Variants in SLC41A3 observed in about 807,000 individuals in gnomAD.
The protein encoded by SLC41A3 is SLC41A1-like 2.
A neutral mutation model predicts 45.4 loss-of-function variants in SLC41A3; 44 were observed. The observed-to-expected ratio is 0.97, with a 90% confidence interval of 0.76 to 1.25. The LOEUF is 1.25. Ranked by LOEUF, SLC41A3 falls within the 50% of genes most tolerant of loss-of-function variation. The pLI is 0.00. For synonymous variants in SLC41A3, 256 were observed against 252.4 expected, an observed-to-expected ratio of 1.01 and a Z score of -0.13; for missense variants, 550 against 600.6, an observed-to-expected ratio of 0.92 and a Z score of 0.88.
Position 126,033,240 on chromosome 3 carries a change from C to A in SLC41A3, c.453+367G>T, listed in dbSNP as rs1422988971. Among the ~76,000 whole-genome samples, 2 of 152,216 alleles carry A rather than the reference C, an allele frequency of 1.3e-5. 1 individual carries two copies. Among genetic ancestry groups the A allele is most frequent in the African/African-American group, 4.8e-5 (2 of 41,444 alleles). The stretch of plus-strand genomic sequence containing the variant: ...TAAGATCACATGTAAGAGGCAATTA[C>A]AGGTTGCCTCAGTTAGGGGAACACC... On this transcript the variant is annotated intron_variant, in intron 4 of 10. Coordinates refer to ENST00000360370, the MANE Select transcript of SLC41A3 (RefSeq NM_017836.4).
intron 9 of SLC41A3, among the ~76,000 whole-genome samples, chr3:126,011,230 A>G (rs1939674946): frequency 6.6e-6 from 1 of 152,206 alleles, no homozygotes. Context: ...AGTCTCAGAA[A>G]AGAAAAAGAA....
chr3:126,038,100 G>A (rs1382770895), intron 3 of SLC41A3, among the ~76,000 whole-genome samples: 1 of 152,242 alleles, frequency 6.6e-6, no homozygotes. Flanking sequence ...AGTGAAGGAG[G>A]TTTGGCTGCT....
upstream of SLC41A3, among the ~76,000 whole-genome samples, chr3:126,086,405 C>CTTTT (rs150800135): frequency 4.4e-5 from 1 of 22,760 alleles, no homozygotes; most frequent in Non-Finnish European, 1.1e-4. Context: ...TCTTTGTTTT[C>CTTTT]TTGTTTTTTT....
chr3:126,083,110 C>T (rs536208646), intron 1 of SLC41A3, among the ~76,000 whole-genome samples: 14 of 152,320 alleles, frequency 9.2e-5, no homozygotes, highest in Non-Finnish European at 1.9e-4. Flanking sequence ...CATCACAGGG[C>T]ACCTGGCCCA....
At chr3:126,101,100 C>T (rs920079723) in intron 1 of SLC41A3, among the ~76,000 whole-genome samples, 16 of 152,242 alleles carry the variant, frequency 1.1e-4, no homozygotes, top group East Asian at 1.9e-4. Context: ...CTCCTTCCCC[C>T]GGGTCCAAGT....
At chr3:126,022,514 G>A (rs1486497494) in intron 6 of SLC41A3, among the ~76,000 whole-genome samples, 1 of 152,210 alleles carries the variant, frequency 6.6e-6, no homozygotes, top group Non-Finnish European at 1.5e-5. Context: ...GTGCAGCTCA[G>A]GTCTCACCTC....
chr3:126,081,506 T>C (rs1437360751), intron 1 of SLC41A3, among the ~76,000 whole-genome samples: 2 of 152,244 alleles, frequency 1.3e-5, no homozygotes, highest in Non-Finnish European at 2.9e-5. Flanking sequence ...CAAATGTTTC[T>C]GGAATAAAAG....
intron 2 of SLC41A3, among the ~76,000 whole-genome samples, chr3:126,053,423 T>C (rs1168979998): frequency 6.6e-6 from 1 of 152,210 alleles, no homozygotes. Flanking sequence ...ACCTCCTCTG[T>C]GGTATTTTGT....
intron 10 of SLC41A3, among the ~76,000 whole-genome samples, chr3:126,007,662 AT>A (rs775148987): frequency 6.6e-6 from 1 of 152,142 alleles, no homozygotes; most frequent in Non-Finnish European, 1.5e-5. Context: ...TGGCTCCTCA[AT>A]CCCTTGTCCA....
intron 9 of SLC41A3, among the ~76,000 whole-genome samples, chr3:126,010,947 C>G (rs1939642819): frequency 6.6e-6 from 1 of 152,212 alleles, no homozygotes; most frequent in Non-Finnish European, 1.5e-5. Context: ...TCAAAGGAAG[C>G]CAGCTAAGTA....
chr3:126,093,492 C>T (rs575524057), intron 1 of SLC41A3, among the ~76,000 whole-genome samples: 1 of 152,312 alleles, frequency 6.6e-6, no homozygotes, highest in South Asian at 2.1e-4. Flanking sequence ...TTATGCTGTA[C>T]AAAAGCTGTG....
At chr3:126,048,755 G>A (rs1943128698) in intron 3 of SLC41A3, among the ~76,000 whole-genome samples, 1 of 152,162 alleles carries the variant, frequency 6.6e-6, no homozygotes, top group Non-Finnish European at 1.5e-5. Context: ...GTATGGAGTA[G>A]GGGAGTGGGC....
intron 2 of SLC41A3, among the ~76,000 whole-genome samples, chr3:126,059,440 T>A (rs771365882): frequency 5.3e-5 from 8 of 151,914 alleles, no homozygotes; most frequent in Non-Finnish European, 1.2e-4. Context: ...GTCACTGCAA[T>A]TGGATGAAGG....
chr3:126,056,355 C>T (rs1346617932), intron 2 of SLC41A3: 1 of 1,613,682 alleles, frequency 6.2e-7, no homozygotes, highest in Admixed American at 1.7e-5. Flanking sequence ...ACCCAGTACG[C>T]ACTTGAATGG....
chr3:126,082,624 T>A (rs1169678708), intron 1 of SLC41A3, among the ~76,000 whole-genome samples: 1 of 152,086 alleles, frequency 6.6e-6, no homozygotes, highest in Admixed American at 6.6e-5. Context: ...TCCGCCCCCA[T>A]CAGACTGAGG....
chr3:126,096,666 C>T (rs759127754), intron 1 of SLC41A3, among the ~76,000 whole-genome samples: 2 of 152,258 alleles, frequency 1.3e-5, no homozygotes, highest in African/African-American at 2.4e-5. Flanking sequence ...CCCATCCCTT[C>T]GTTTCCCATA....
intron 3 of SLC41A3, among the ~76,000 whole-genome samples, chr3:126,038,969 G>A (rs1289412345): frequency 1.3e-5 from 2 of 151,992 alleles, no homozygotes; most frequent in African/African-American, 4.8e-5. Context: ...GAGTTCACAT[G>A]GGAGCTGATT....
At chr3:126,023,010 G>A in intron 5 of SLC41A3, 78 bp from the exon 6 acceptor site, 1 of 1,575,616 alleles carries the variant, frequency 6.3e-7, no homozygotes, top group South Asian at 1.2e-5. Flanking sequence ...AGCAGCACAG[G>A]GATGGGCGGC....
At chr3:126,077,356 G>A (rs1176484460) in intron 1 of SLC41A3, among the ~76,000 whole-genome samples, 1 of 152,150 alleles carries the variant, frequency 6.6e-6, no homozygotes, top group Non-Finnish European at 1.5e-5. Context: ...CTCCAGCCTA[G>A]GGGACAGAGT....
Sources: gnomAD v4.1 joint callset for allele counts (sites outside exome capture counted in the v4.1 genomes callset) on GRCh38, gnomAD v4.1.1 for gene constraint, MANE v1.5 for transcripts, NCBI Gene and HGNC (gene_info 2026-07-23, HGNC 2026-07-21) for gene names.